The following CDK5RAP2 variants were observed in gnomAD, a reference collection of about 807,000 sequenced individuals.
The protein encoded by CDK5RAP2 is CDK5 regulatory subunit associated protein 2.
Under a neutral mutation model 232.9 loss-of-function variants are expected in CDK5RAP2, and 147 were observed. The observed-to-expected ratio is 0.63, with a 90% CI of 0.55 to 0.72. The LOEUF is 0.72. Among genes scored for constraint, CDK5RAP2 ranks in the 30% least tolerant of loss-of-function variants. The probability of loss-of-function intolerance (pLI) is 0.00; values close to 1 mark genes in which losing one functional copy is unlikely to be tolerated. For synonymous variants in CDK5RAP2, 833 were observed against 833.7 expected, an observed-to-expected ratio of 1.00 and a Z score of 0.01; for missense variants, 2,195 against 2,231.5, an observed-to-expected ratio of 0.98 and a Z score of 0.33.
At chr9:120,573,994 G>A (rs1454645054) in intron 1 of CDK5RAP2, among the ~76,000 whole-genome samples, 2 of 152,178 alleles carry the variant, frequency 1.3e-5, no homozygotes, top group Non-Finnish European at 2.9e-5. Flanking sequence ...CCGGGTACCA[G>A]AGCCATTACA....
chr9:120,566,979 T>C (rs2042669998), intron 3 of CDK5RAP2, among the ~76,000 whole-genome samples: 1 of 152,190 alleles, frequency 6.6e-6, no homozygotes, highest in Non-Finnish European at 1.5e-5. Context: ...CCTTCAAAAA[T>C]GAAATAACTA....
intron 18 of CDK5RAP2, among the ~76,000 whole-genome samples, chr9:120,464,739 A>C (rs958963568): frequency 1.3e-5 from 2 of 152,204 alleles, no homozygotes; most frequent in African/African-American, 4.8e-5. Flanking sequence ...AGAGGGTTAT[A>C]GTCCCATCTC....
chr9:120,518,410 G>A lies in CDK5RAP2; in HGVS notation c.1311+17C>T. ...AAAGCACTGTCCACTGTGTCAGAAG[G>A]GCAGGGCGGTACTCACACGGATGGT... On this transcript the variant is annotated intron_variant, in intron 12 of 37. Transcript: ENST00000349780. 6.2e-7 allele frequency: 1 copy of A among 1,606,194 alleles called. No homozygotes were observed. Among genetic ancestry groups the A allele is most frequent in the Non-Finnish European group, 8.5e-7 (1 of 1,173,954 alleles).
chr9:120,396,780 C>A (rs2032504061), intron 35 of CDK5RAP2, among the ~76,000 whole-genome samples: 2 of 152,226 alleles, frequency 1.3e-5, no homozygotes, highest in African/African-American at 4.8e-5. Flanking sequence ...CTATCCAGTA[C>A]TTACAACAGG....
chr9:120,441,316 T>C (rs1268304866), intron 23 of CDK5RAP2, among the ~76,000 whole-genome samples: 1 of 152,226 alleles, frequency 6.6e-6, no homozygotes, highest in Non-Finnish European at 1.5e-5. Context: ...GCAAGTTACT[T>C]GACCTCTCTG....
intron 18 of CDK5RAP2, 68 bp downstream of exon 18, chr9:120,467,792 T>G: frequency 1.3e-4 from 195 of 1,554,836 alleles, no homozygotes; most frequent in Non-Finnish European, 1.6e-4. Flanking sequence ...ATTACAGGCG[T>G]GAGCCACCAT....
At chr9:120,502,916 G>A (rs2039640601) in intron 12 of CDK5RAP2, among the ~76,000 whole-genome samples, 2 of 152,114 alleles carry the variant, frequency 1.3e-5, no homozygotes, top group South Asian at 4.1e-4. Flanking sequence ...ACAGGCCAAG[G>A]CATTTTTACA....
intron 36 of CDK5RAP2, among the ~76,000 whole-genome samples, chr9:120,390,546 G>A (rs1366218072): frequency 6.6e-6 from 1 of 152,224 alleles, no homozygotes; most frequent in Admixed American, 6.5e-5. Context: ...GCTTTCAGGA[G>A]CAACTGTAAA....
chr9:120,430,422 AC>A (rs1334915719), intron 25 of CDK5RAP2, among the ~76,000 whole-genome samples: 1 of 150,476 alleles, frequency 6.6e-6, no homozygotes, highest in African/African-American at 2.4e-5. Context: ...CAAGAAAAAA[AC>A]AAACAACCCC....
chr9:120,561,050 CT>C (rs1451397815), intron 3 of CDK5RAP2, among the ~76,000 whole-genome samples: 1 of 152,066 alleles, frequency 6.6e-6, no homozygotes, highest in Non-Finnish European at 1.5e-5. Flanking sequence ...ATTTTTTAAC[CT>C]TTTTGAAAGT....
chr9:120,568,476 A>C (rs1044466883), intron 2 of CDK5RAP2, 88 bp from the exon 3 acceptor site: 53 of 927,210 alleles, frequency 5.7e-5, no homozygotes, highest in Non-Finnish European at 8.3e-5. Context: ...GAGGAAAACA[A>C]CACGAACTGC....
chr9:120,459,362 C>G (rs1477493197), intron 19 of CDK5RAP2, among the ~76,000 whole-genome samples: 1 of 152,152 alleles, frequency 6.6e-6, no homozygotes, highest in Non-Finnish European at 1.5e-5. Context: ...ATTTCTTCTA[C>G]CAGTCTATAA....
chr9:120,494,570 T>C (rs995734224), intron 12 of CDK5RAP2, among the ~76,000 whole-genome samples: 5 of 151,852 alleles, frequency 3.3e-5, no homozygotes, highest in African/African-American at 9.7e-5. Flanking sequence ...ACTTATAGAG[T>C]AAAACAGTAT....
chr9:120,462,802 A>G (rs2037164846), intron 18 of CDK5RAP2, among the ~76,000 whole-genome samples: 1 of 152,234 alleles, frequency 6.6e-6, no homozygotes. Flanking sequence ...TTACACAGGC[A>G]CATACACTTG....
chr9:120,483,899 G>A (rs1790527206), intron 14 of CDK5RAP2, among the ~76,000 whole-genome samples: 1 of 152,214 alleles, frequency 6.6e-6, no homozygotes, highest in Admixed American at 6.5e-5. Context: ...AGGCAATTTA[G>A]AGGCCTGGTA....
At chr9:120,466,527 C>T (rs1272194644) in intron 18 of CDK5RAP2, among the ~76,000 whole-genome samples, 1 of 152,022 alleles carries the variant, frequency 6.6e-6, no homozygotes, top group African/African-American at 2.4e-5. Flanking sequence ...CTCCAAAGGA[C>T]ATAATGAGAC....
intron 12 of CDK5RAP2, among the ~76,000 whole-genome samples, chr9:120,492,014 A>G (rs998575594): frequency 7.9e-5 from 12 of 151,664 alleles, no homozygotes; most frequent in East Asian, 3.9e-4. Context: ...CATAATCAGG[A>G]AAAAAACTGT....
At chr9:120,476,277 A>G (rs971141713) in intron 15 of CDK5RAP2, among the ~76,000 whole-genome samples, 1 of 151,598 alleles carries the variant, frequency 6.6e-6, no homozygotes, top group Admixed American at 6.6e-5. Flanking sequence ...CCCCAGCCCC[A>G]ACAATCAGAG....
chr9:120,525,271 G>C (rs904561287), intron 10 of CDK5RAP2, among the ~76,000 whole-genome samples, 193 bp from the exon 11 acceptor site: 1 of 152,146 alleles, frequency 6.6e-6, no homozygotes, highest in Non-Finnish European at 1.5e-5. Flanking sequence ...ACATCTTTGA[G>C]ACTCCATTTC....
Sources: gnomAD v4.1 joint callset for allele counts (sites outside exome capture counted in the v4.1 genomes callset) on GRCh38, gnomAD v4.1.1 for gene constraint, MANE v1.5 for transcripts, NCBI Gene and HGNC (gene_info 2026-07-23, HGNC 2026-07-21) for gene names.